The following KCNMB4 variants were observed in gnomAD, a reference collection of about 807,000 sequenced individuals.
The protein encoded by KCNMB4 is calcium-activated potassium channel subunit beta-4.
Under a neutral mutation model 20.7 loss-of-function variants are expected in KCNMB4, and 3 were observed. The observed-to-expected ratio is 0.14, with a 90% CI of 0.07 to 0.37. KCNMB4 has a LOEUF of 0.37. Among genes scored for constraint, KCNMB4 ranks in the 10% least tolerant of loss-of-function variants. The pLI is 1.00. For missense variants in KCNMB4, 168 were observed against 265.9 expected (o/e 0.63, Z 2.56); for synonymous variants, 110 against 113.4 (o/e 0.97, Z 0.19).
intron 2 of KCNMB4, among the ~76,000 whole-genome samples, chr12:70,412,829 T>G (rs1249243013): frequency 1.3e-5 from 2 of 152,216 alleles, no homozygotes; most frequent in Admixed American, 1.3e-4. Context: ...TGGTAAAAAT[T>G]ACTTATTTTT....
At chr12:70,412,273 A>G (rs1041494638) in intron 2 of KCNMB4, among the ~76,000 whole-genome samples, 3 of 152,210 alleles carry the variant, frequency 2.0e-5, no homozygotes, top group African/African-American at 7.2e-5. Context: ...TGATGCCACA[A>G]CAGCAAAAGG....
At chr12:70,385,735 A>G (rs898442352) in intron 1 of KCNMB4, among the ~76,000 whole-genome samples, 1 of 152,240 alleles carries the variant, frequency 6.6e-6, no homozygotes, top group Non-Finnish European at 1.5e-5. Context: ...ATGAACTTCA[A>G]GTGAATACTT....
chr12:70,402,654 C>CA (rs34956547), intron 2 of KCNMB4, among the ~76,000 whole-genome samples: 26,769 of 74,904 alleles, frequency 0.36, 4,988 homozygotes, highest in Non-Finnish European at 0.45. Context: ...GACCCTGCCT[C>CA]AAAAAAAAAA....
At chr12:70,381,249 T>C (rs150871509) in intron 1 of KCNMB4, among the ~76,000 whole-genome samples, 1,582 of 152,252 alleles carry the variant, frequency 0.01, 15 homozygotes, top group South Asian at 0.04. Flanking sequence ...TAACAAGTGT[T>C]GTCAAAATAA....
chr12:70,381,926 T>A (rs1883794055), intron 1 of KCNMB4, among the ~76,000 whole-genome samples: 1 of 152,234 alleles, frequency 6.6e-6, no homozygotes. Flanking sequence ...AATGAATGAT[T>A]GCTTTGCAAA....
chr12:70,393,497 C>T (rs529638671), intron 1 of KCNMB4, among the ~76,000 whole-genome samples: 3 of 152,048 alleles, frequency 2.0e-5, no homozygotes, highest in Non-Finnish European at 2.9e-5. Flanking sequence ...CACCACGCCC[C>T]GCCGTGTTTT....
intron 2 of KCNMB4, among the ~76,000 whole-genome samples, chr12:70,415,017 C>T (rs918233480): frequency 1.3e-5 from 2 of 152,162 alleles, no homozygotes; most frequent in African/African-American, 4.8e-5. Flanking sequence ...AGGACATAGA[C>T]CTATTTCACT....
At chr12:70,406,876 A>G (rs1868617765) in intron 2 of KCNMB4, among the ~76,000 whole-genome samples, 1 of 152,218 alleles carries the variant, frequency 6.6e-6, no homozygotes, top group Non-Finnish European at 1.5e-5. Context: ...GAGCTAAACC[A>G]AATTATATAC....
At chr12:70,389,473 C>G (rs1439238218) in intron 1 of KCNMB4, among the ~76,000 whole-genome samples, 3 of 152,126 alleles carry the variant, frequency 2.0e-5, no homozygotes, top group African/African-American at 7.2e-5. Context: ...GCAGGCAGAT[C>G]CCTTGAGCCC....
At chr12:70,391,844 C>T (rs568819670) in intron 1 of KCNMB4, among the ~76,000 whole-genome samples, 4 of 152,156 alleles carry the variant, frequency 2.6e-5, no homozygotes, top group Non-Finnish European at 5.9e-5. Flanking sequence ...TAATCAATGG[C>T]TCATTTATGT....
intron 1 of KCNMB4, among the ~76,000 whole-genome samples, chr12:70,398,116 A>G (rs1052833555): frequency 3.9e-5 from 6 of 152,184 alleles, no homozygotes; most frequent in Non-Finnish European, 2.9e-5. Context: ...CCCCTAAGGA[A>G]GGACCTACCA....
At chr12:70,395,874 C>G (rs975769480) in intron 1 of KCNMB4, among the ~76,000 whole-genome samples, 2 of 152,140 alleles carry the variant, frequency 1.3e-5, no homozygotes, top group African/African-American at 4.8e-5. Flanking sequence ...TAGGTCAGAA[C>G]TATATGAAGA....
intron 1 of KCNMB4, among the ~76,000 whole-genome samples, chr12:70,374,761 T>C (rs1383108325): frequency 1.3e-5 from 2 of 152,196 alleles, no homozygotes; most frequent in Non-Finnish European, 2.9e-5. Flanking sequence ...ACTTGCTTTG[T>C]CTTCATGTAA....
rs1457290377 is a variant in KCNMB4 at position 70,430,628 on chromosome 12, C to A, written c.608C>A (p.Ala203Asp). 1 of 1,610,124 alleles carries A rather than the reference C, an allele frequency of 6.2e-7. No homozygotes were observed. The highest frequency in any genetic ancestry group is 8.5e-7 in the Non-Finnish European group (1 of 1,179,016). The change falls in exon 3 of 3, where the codon GCC (alanine) becomes GAC (aspartate). Residue 203 changes from alanine (A) to aspartate (D), a missense_variant. Transcript: ENST00000258111. Reference protein sequence around the residue: ...CAKSLAVKAEAMKKRKFS With the variant: ...CAKSLAVKAEDMKKRKFS ...AAGAGCTTGGCGGTCAAGGCGGAAGCCATGAAGAAGCGCAAGTTCTCTTAA... is the reference window on the plus strand; with the variant it reads ...AAGAGCTTGGCGGTCAAGGCGGAAGACATGAAGAAGCGCAAGTTCTCTTAA...
Position 70,366,955 on chromosome 12 carries a change from C to G in KCNMB4, c.221C>G (p.Ala74Gly), listed in dbSNP as rs1235770893. 1 of 1,610,618 alleles carries G rather than the reference C, an allele frequency of 6.2e-7. No individual in the cohort carries two copies. Among genetic ancestry groups the G allele is most frequent in the Non-Finnish European group, 8.5e-7 (1 of 1,178,514 alleles). ...EVFECTFTCGADCRGTSQYPC... is the reference protein window; with the variant it reads ...EVFECTFTCGGDCRGTSQYPC... ...TTCGAGTGCACCTTCACCTGTGGCG[C>G]CGACTGCAGGGGCACCTCGCAGTAC... Residue 74 changes from alanine (A) to glycine (G), a missense_variant, in exon 1 of 3, where the codon GCC becomes GGC. Coordinates refer to ENST00000258111, the MANE Select transcript of KCNMB4 (RefSeq NM_014505.6).
intron 2 of KCNMB4, among the ~76,000 whole-genome samples, chr12:70,404,673 T>A (rs543770580): frequency 6.6e-6 from 1 of 152,232 alleles, no homozygotes; most frequent in African/African-American, 2.4e-5. Flanking sequence ...TTAGTTAGAA[T>A]CAACAGAACT....
chr12:70,427,366 C>A (rs1869241127), intron 2 of KCNMB4, among the ~76,000 whole-genome samples: 1 of 152,084 alleles, frequency 6.6e-6, no homozygotes, highest in Admixed American at 6.5e-5. Context: ...CTCACTAAAT[C>A]AAAAAACTGA....
chr12:70,370,812 A>G (rs1285911015), intron 1 of KCNMB4, among the ~76,000 whole-genome samples: 6 of 148,304 alleles, frequency 4.0e-5, no homozygotes, highest in Non-Finnish European at 3.0e-5. Context: ...GCCCTCTTGT[A>G]TGTGAGACAA....
chr12:70,391,452 A>G (rs189319813), intron 1 of KCNMB4, among the ~76,000 whole-genome samples: 40 of 152,148 alleles, frequency 2.6e-4, no homozygotes, highest in African/African-American at 9.2e-4. Context: ...AAAGACATAT[A>G]CCAGTACACC....
Sources: allele counts gnomAD v4.1 joint callset (sites outside exome capture counted in the v4.1 genomes callset), GRCh38; gene constraint gnomAD v4.1.1; transcripts MANE v1.5; gene names NCBI Gene and HGNC (gene_info 2026-07-23, HGNC 2026-07-21).